Variants in HMBOX1 observed in about 807,000 individuals in gnomAD.
HMBOX1 encodes homeobox-containing protein 1.
In HMBOX1, 14 loss-of-function variants were observed where a neutral mutation model predicts 54.5. The observed-to-expected ratio is 0.26, with a 90% CI of 0.17 to 0.40. The LOEUF (loss-of-function observed/expected upper bound fraction) is 0.40. HMBOX1 is among the 10% of genes least tolerant of loss of function. The pLI is 1.00. For synonymous variants in HMBOX1, 160 were observed against 181.0 expected (o/e 0.88, Z 0.93); for missense variants, 332 against 514.4 (o/e 0.65, Z 3.43).
chr8:29,003,793 A>T (rs1833034839), intron 4 of HMBOX1, among the ~76,000 whole-genome samples: 1 of 151,866 alleles, frequency 6.6e-6, no homozygotes, highest in South Asian at 2.1e-4. Flanking sequence ...GTGGAAGGCG[A>T]ATTATAGAGA....
intron 6 of HMBOX1, among the ~76,000 whole-genome samples, chr8:29,029,110 T>C (rs1359496743): frequency 6.6e-6 from 1 of 152,252 alleles, no homozygotes; most frequent in Non-Finnish European, 1.5e-5. Flanking sequence ...AACACTCTAC[T>C]TCTTGAAGAG....
rs990873441 is a variant in HMBOX1, at chr8:29,018,796, T to C, written c.734T>C (p.Ile245Thr). Reference protein sequence around the residue: ...TLSMRPAPIPIEDPEWRQTPP... With the variant: ...TLSMRPAPIPTEDPEWRQTPP... ...AGTATGAGACCAGCCCCCATTCCAA[T>C]AGAGGACCCTGAATGGAGACAAACG... Residue 245 changes from isoleucine to threonine, a missense_variant, in exon 6 of 10, where the codon ATA becomes ACA. By Grantham distance (89) the Ile-to-Thr change is moderately conservative. Coordinates refer to ENST00000287701, the MANE Select transcript of HMBOX1 (RefSeq NM_001135726.3). 1.2e-6 allele frequency: 2 copies of C among 1,614,036 alleles called. No homozygotes were observed. Among genetic ancestry groups the C allele is most frequent in the South Asian group, 1.1e-5 (1 of 91,084 alleles).
chr8:28,916,249 A>G (rs1256805119), intron 1 of HMBOX1, among the ~76,000 whole-genome samples: 2 of 152,184 alleles, frequency 1.3e-5, no homozygotes, highest in Non-Finnish European at 2.9e-5. Context: ...AGATGTCACC[A>G]TGAGTTTCAT....
intron 2 of HMBOX1, among the ~76,000 whole-genome samples, chr8:28,967,042 G>A (rs1402578268): frequency 6.6e-6 from 1 of 152,198 alleles, no homozygotes; most frequent in African/African-American, 2.4e-5. Flanking sequence ...TGGTATGTCT[G>A]CTTCTTCCTC....
chr8:29,046,662 C>T (rs1805602025), intron 7 of HMBOX1, among the ~76,000 whole-genome samples: 1 of 152,206 alleles, frequency 6.6e-6, no homozygotes, highest in Admixed American at 6.5e-5. Flanking sequence ...AAGTAAATTT[C>T]TGTTGTCTGG....
Position 29,013,267 on chromosome 8 carries a change from C to T in HMBOX1, c.697+4085C>T, listed in dbSNP as rs575954172. ...TCTCCTGCCTCAGCCTCAGGAGTAG[C>T]TGGGATTACAGGCACGTGCCGCCAC... On this transcript the variant is annotated intron_variant, in intron 5 of 9. Coordinates refer to ENST00000287701, the MANE Select transcript of HMBOX1 (RefSeq NM_001135726.3). Among the ~76,000 whole-genome samples, 6 of 152,278 alleles carry T rather than the reference C, an allele frequency of 3.9e-5. No homozygotes were observed. In the East Asian group the frequency reaches 9.6e-4, roughly 24 times the overall value.
chr8:28,969,028 C>T (rs987985338), intron 2 of HMBOX1, among the ~76,000 whole-genome samples: 1 of 152,088 alleles, frequency 6.6e-6, no homozygotes, highest in Non-Finnish European at 1.5e-5. Flanking sequence ...ATAAAAGTAG[C>T]CAGGCTTGGT....
intron 1 of HMBOX1, among the ~76,000 whole-genome samples, chr8:28,896,179 T>C (rs1812075260): frequency 6.6e-6 from 1 of 152,232 alleles, no homozygotes; most frequent in Non-Finnish European, 1.5e-5. Context: ...AGGATTATTG[T>C]GAGCCCTTGA....
chr8:29,049,469 C>T (rs1026963742), intron 9 of HMBOX1: 31 of 1,476,238 alleles, frequency 2.1e-5, no homozygotes, highest in Admixed American at 4.3e-5. Flanking sequence ...TGCCTAAACA[C>T]GTACCGACGC....
intron 1 of HMBOX1, among the ~76,000 whole-genome samples, chr8:28,960,006 G>GT (rs1006644655): frequency 1.3e-5 from 2 of 151,450 alleles, no homozygotes; most frequent in South Asian, 2.1e-4. Context: ...AATCTTACCA[G>GT]TTTTTTTCTC....
At chr8:28,974,990 T>A (rs928926563) in intron 3 of HMBOX1, among the ~76,000 whole-genome samples, 5 of 152,224 alleles carry the variant, frequency 3.3e-5, no homozygotes, top group Non-Finnish European at 5.9e-5. Flanking sequence ...AAGGAAGCAA[T>A]GTCATTTCGA....
intron 6 of HMBOX1, among the ~76,000 whole-genome samples, chr8:29,029,988 T>C (rs1263169686): frequency 1.3e-5 from 2 of 151,992 alleles, no homozygotes; most frequent in Non-Finnish European, 2.9e-5. Context: ...TATCTTCCTC[T>C]TCCTTACCTT....
intron 3 of HMBOX1, among the ~76,000 whole-genome samples, chr8:28,976,070 G>T (rs1170805088): frequency 6.6e-6 from 1 of 152,132 alleles, no homozygotes. Flanking sequence ...AATGCATTTA[G>T]TATTTTGAAA....
At chr8:28,958,010 C>T (rs1824786313) in intron 1 of HMBOX1, among the ~76,000 whole-genome samples, 1 of 152,206 alleles carries the variant, frequency 6.6e-6, no homozygotes, top group Admixed American at 6.5e-5. Flanking sequence ...AAGGCTATCC[C>T]TGTCAATGAA....
chr8:28,966,938 A>G (rs188791078), intron 2 of HMBOX1, among the ~76,000 whole-genome samples: 36 of 152,346 alleles, frequency 2.4e-4, no homozygotes, highest in Non-Finnish European at 4.4e-4. Context: ...ACAAAACAGC[A>G]AGAAGAGCAG....
At chr8:28,906,079 C>T (rs1360446445) in intron 1 of HMBOX1, among the ~76,000 whole-genome samples, 2 of 152,166 alleles carry the variant, frequency 1.3e-5, no homozygotes, top group Non-Finnish European at 2.9e-5. Context: ...GGTCCAGAAA[C>T]CAGCATTTTA....
chr8:28,911,864 A>T (rs969070892), intron 1 of HMBOX1, among the ~76,000 whole-genome samples: 8 of 152,124 alleles, frequency 5.3e-5, no homozygotes, highest in African/African-American at 1.9e-4. Context: ...CCAAGGGACA[A>T]CTGTACAGAT....
chr8:28,960,452 G>A (rs1188259605), intron 1 of HMBOX1, among the ~76,000 whole-genome samples: 4 of 151,260 alleles, frequency 2.6e-5, no homozygotes, highest in Middle Eastern at 3.2e-3. Flanking sequence ...GATCAATTAT[G>A]GTAATGGACA....
chr8:28,997,042 T>C (rs539907772), intron 4 of HMBOX1, among the ~76,000 whole-genome samples: 7 of 152,214 alleles, frequency 4.6e-5, no homozygotes, highest in Admixed American at 4.6e-4. Flanking sequence ...ATATACAAAA[T>C]CATGTATCTG....
Sources: gnomAD v4.1 joint callset for allele counts (sites outside exome capture counted in the v4.1 genomes callset) on GRCh38, gnomAD v4.1.1 for gene constraint, MANE v1.5 for transcripts, NCBI Gene and HGNC (gene_info 2026-07-23, HGNC 2026-07-21) for gene names.